The following WIPI1 variants were observed in gnomAD, a reference collection of about 807,000 sequenced individuals.
WIPI1 encodes WD repeat domain, phosphoinositide interacting 1, also known as WD repeat domain phosphoinositide-interacting protein 1.
A neutral mutation model predicts 55.3 loss-of-function variants in WIPI1; 45 were observed. The observed-to-expected ratio is 0.81, with a 90% CI of 0.64 to 1.04. WIPI1 has a LOEUF of 1.04. Among genes scored for constraint, WIPI1 ranks in the 50% least tolerant of loss-of-function variants. WIPI1 has a pLI of 0.00. For synonymous variants in WIPI1, 195 were observed against 217.6 expected, an observed-to-expected ratio of 0.90 and a Z score of 0.92; for missense variants, 445 against 559.0, an observed-to-expected ratio of 0.80 and a Z score of 2.06.
Position 68,450,913 on chromosome 17 carries a change from G to C in WIPI1, c.164-16C>G. 6.2e-7 allele frequency: 1 copy of C among 1,607,974 alleles called. No homozygotes were observed. Among genetic ancestry groups the C allele is most frequent in the Non-Finnish European group, 8.5e-7 (1 of 1,177,178 alleles). ...GGGATTTCATCTGGGAGGAAAAGCA[G>C]CCGGGAGGTTACATGGATTGATCAC... On this transcript the variant is annotated splice_polypyrimidine_tract_variant and intron_variant, in intron 2 of 12. Coordinates refer to ENST00000262139, the MANE Select transcript of WIPI1 (RefSeq NM_017983.7).
In WIPI1 at chr17:68,425,736, AC is replaced by A. The variant is rs375711858; in HGVS notation, c.1293+338del. ...GGAGCCTCAGGAAAATAAGTTTTAG[AC>A]AAGTCACGTGTTCCTACCTTCCAGG... On this transcript the variant is annotated intron_variant, in intron 12 of 12. Coordinates refer to ENST00000262139, the MANE Select transcript of WIPI1 (RefSeq NM_017983.7). 2.9e-4 allele frequency among the ~76,000 whole-genome samples: 44 copies of A among 152,216 alleles called. 3 individuals carry two copies. The East Asian group carries it at 8.3e-3, about 29-fold the overall frequency.
chr17:68,432,166 TGAAGGAGCGA>T (rs1411610987), intron 8 of WIPI1, among the ~76,000 whole-genome samples: 1 of 152,012 alleles, frequency 6.6e-6, no homozygotes, highest in Non-Finnish European at 1.5e-5. Context: ...TCTGGAAAGA[TGAAGGAGCGA>T]GAAGGGAGCC....
chr17:68,426,583 A>G (rs1324474275), intron 11 of WIPI1, among the ~76,000 whole-genome samples: 1 of 152,150 alleles, frequency 6.6e-6, no homozygotes, highest in Non-Finnish European at 1.5e-5. Context: ...CCCAGGCTGG[A>G]GTGCAGTGGT....
In WIPI1 at chr17:68,437,016, A is replaced by ATGTGTGTGTGTGTGTGTGTGTGTGTGTG. The variant is rs71142180; in HGVS notation, c.431-538_431-537insCACACACACACACACACACACACACACA. On this transcript the variant is annotated intron_variant, in intron 4 of 12. Transcript: ENST00000262139. ...CTCAAAAAAAAAAAAATATATATAT[A>ATGTGTGTGTGTGTGTGTGTGTGTGTGTG]TGTGTGTGTGTGTGTGTGTGTATAT... Among the ~76,000 whole-genome samples the ATGTGTGTGTGTGTGTGTGTGTGTGTGTG allele has an allele frequency of 6.2e-5, 9 of 144,662 alleles. No homozygotes were observed. In the East Asian group the frequency reaches 8.0e-4, roughly 13 times the overall value. The allele number at this position is 144,662 out of a possible 152,430, so 94.9% of individuals were successfully genotyped here. A position where few individuals can be genotyped will look rare whatever the true frequency, so the allele number is the denominator to read the frequency against.
At chr17:68,444,443 G>A in intron 4 of WIPI1, 50 bp downstream of exon 4, 1 of 1,524,768 alleles carries the variant, frequency 6.6e-7, no homozygotes, top group Non-Finnish European at 9.0e-7. Context: ...TGGGAAAGAA[G>A]CACCAGGACA....
intron 4 of WIPI1, among the ~76,000 whole-genome samples, chr17:68,437,005 A>AATATAT (rs1555801305): frequency 1.9e-5 from 2 of 107,192 alleles, no homozygotes; most frequent in African/African-American, 7.1e-5. Context: ...AAAAAAAAAA[A>AATATAT]ATATATATAT....
chr17:68,448,783 G>C (rs372233843), intron 3 of WIPI1, among the ~76,000 whole-genome samples: 11 of 152,174 alleles, frequency 7.2e-5, no homozygotes, highest in Non-Finnish European at 1.5e-4. Flanking sequence ...GTTTAGCAGC[G>C]AAACTTAATC....
At chr17:68,439,563 TTCCGTGAATA>T (rs2083987210) in intron 4 of WIPI1, among the ~76,000 whole-genome samples, 1 of 152,208 alleles carries the variant, frequency 6.6e-6, no homozygotes, top group Non-Finnish European at 1.5e-5. Context: ...GGTTACACAA[TTCCGTGAATA>T]TACCAAAAGC....
intron 12 of WIPI1, chr17:68,424,304 A>T: frequency 2.4e-6 from 1 of 417,268 alleles, no homozygotes; most frequent in Admixed American, 3.2e-5. Flanking sequence ...CGACCCGCAG[A>T]GCCGATGTGG....
intron 3 of WIPI1, among the ~76,000 whole-genome samples, chr17:68,449,041 C>G (rs1361095691): frequency 1.3e-5 from 2 of 152,144 alleles, no homozygotes; most frequent in African/African-American, 4.8e-5. Flanking sequence ...GAAACAATCC[C>G]TTCCTTCTCA....
intron 8 of WIPI1, among the ~76,000 whole-genome samples, chr17:68,432,504 T>G (rs1371067793): frequency 6.6e-6 from 1 of 152,190 alleles, no homozygotes; most frequent in Non-Finnish European, 1.5e-5. Flanking sequence ...GTCCCAGCAC[T>G]TTGGGAGGTT....
At chr17:68,451,427 C>T (rs775170084) in intron 2 of WIPI1, among the ~76,000 whole-genome samples, 9 of 152,096 alleles carry the variant, frequency 5.9e-5, no homozygotes, top group Non-Finnish European at 1.2e-4. Flanking sequence ...AGCAAGACTC[C>T]GTCTCAAGAA....
Position 68,437,005 on chromosome 17 carries a change from A to ATATATAT in WIPI1, c.431-527_431-526insATATATA, listed in dbSNP as rs1555801304. 2.5e-3 allele frequency among the ~76,000 whole-genome samples: 263 copies of ATATATAT among 107,188 alleles called. 1 individual carries two copies. Among genetic ancestry groups the ATATATAT allele is most frequent in the Middle Eastern group, 0.011 (2 of 188 alleles). The allele number at this position is 107,188 out of a possible 152,430, so 70.3% of individuals were successfully genotyped here. A position where few individuals can be genotyped will look rare whatever the true frequency, so the allele number is the denominator to read the frequency against. ...TGAGACCCCGTCTCAAAAAAAAAAA[A>ATATATAT]ATATATATATATGTGTGTGTGTGTG... On this transcript the variant is annotated intron_variant, in intron 4 of 12. Transcript: ENST00000262139.
chr17:68,436,319 C>T (rs1298415094), intron 5 of WIPI1, 63 bp downstream of exon 5: 5 of 1,494,264 alleles, frequency 3.3e-6, no homozygotes, highest in Non-Finnish European at 4.7e-6. Context: ...CCTTATCTAT[C>T]TCCTTCCATG....
Position 68,432,717 on chromosome 17 carries a change from C to T in WIPI1, c.800+751G>A, listed in dbSNP as rs1303594129. Among the ~76,000 whole-genome samples the T allele has an allele frequency of 2.6e-5, 4 of 152,164 alleles. No individual in the cohort carries two copies. In the East Asian group the frequency reaches 7.7e-4, roughly 29 times the overall value. ...TCCAAGGGTACCAGCAACCAACTCC[C>T]CAGATACAGTAGGCTTTCTGTCCTG... is the stretch of plus-strand genomic sequence containing the variant. On this transcript the variant is annotated intron_variant, in intron 8 of 12. Coordinates refer to ENST00000262139, the MANE Select transcript of WIPI1 (RefSeq NM_017983.7).
intron 11 of WIPI1, 49 bp downstream of exon 11, chr17:68,427,086 G>T: frequency 6.8e-7 from 1 of 1,479,162 alleles, no homozygotes; most frequent in South Asian, 1.1e-5. Context: ...GAGAAGGGGA[G>T]GGAGGTCACT....
chr17:68,422,977 A>T (rs1007442953), intron 12 of WIPI1, among the ~76,000 whole-genome samples: 2 of 152,156 alleles, frequency 1.3e-5, no homozygotes, highest in Admixed American at 6.5e-5. Context: ...GGCAAGCGTG[A>T]TCCTACGCAG....
chr17:68,426,251 G>GGGGGGGGGGGT lies in WIPI1; in HGVS notation c.1193-77_1193-76insACCCCCCCCCC. 6 of 825,460 alleles carry GGGGGGGGGGGT rather than the reference G, an allele frequency of 7.3e-6. 1 individual carries two copies. Among genetic ancestry groups the GGGGGGGGGGGT allele is most frequent in the Non-Finnish European group, 5.8e-6 (3 of 521,074 alleles). 51.1% of individuals were successfully genotyped at this position (825,460 alleles called of 1,614,324 possible). On this transcript the variant is annotated intron_variant, in intron 11 of 12. Coordinates refer to ENST00000262139, the MANE Select transcript of WIPI1 (RefSeq NM_017983.7). ...GCCATGACCTGGCGGGTGGGGAGCG[G>GGGGGGGGGGGT]GGGCTCAAATAAAGGGCAAAGGAAG...
At chr17:68,421,892 G>A (rs1191189405) in intron 12 of WIPI1, 72 bp from the exon 13 acceptor site, 29 of 1,596,164 alleles carry the variant, frequency 1.8e-5, no homozygotes, top group Non-Finnish European at 2.5e-5. Flanking sequence ...TTATCAACAG[G>A]TCTGTGCCCA....
Sources: gnomAD v4.1 joint callset for allele counts (sites outside exome capture counted in the v4.1 genomes callset) on GRCh38, gnomAD v4.1.1 for gene constraint, MANE v1.5 for transcripts, NCBI Gene and HGNC (gene_info 2026-07-23, HGNC 2026-07-21) for gene names.